The following PDE4D variants were observed in gnomAD, a reference collection of about 807,000 sequenced individuals.
The protein encoded by PDE4D is 3',5'-cyclic-AMP phosphodiesterase 4D.
In PDE4D, 24 loss-of-function variants were observed where a neutral mutation model predicts 87.4. That is an observed-to-expected ratio of 0.27 (90% CI 0.20 to 0.39). PDE4D has a LOEUF of 0.39. PDE4D is among the 10% of genes least tolerant of loss of function. PDE4D has a pLI of 1.00. For synonymous variants in PDE4D, 384 were observed against 383.2 expected (o/e 1.00, Z -0.02); for missense variants, 714 against 1,041.0 (o/e 0.69, Z 4.32).
At chr5:60,135,609 A>T (rs1244178937) in intron 2 of PDE4D, among the ~76,000 whole-genome samples, 1 of 152,224 alleles carries the variant, frequency 6.6e-6, no homozygotes, top group African/African-American at 2.4e-5. Context: ...GATTTTTATC[A>T]GACAGAGCAA....
intron 1 of PDE4D, among the ~76,000 whole-genome samples, chr5:60,230,419 G>A (rs1185463855): frequency 6.6e-6 from 1 of 152,050 alleles, no homozygotes; most frequent in Non-Finnish European, 1.5e-5. Context: ...TTTGCAAAGT[G>A]GAAACTTATT....
chr5:60,517,364 G>A (rs553403630), intron 1 of PDE4D, among the ~76,000 whole-genome samples: 11 of 152,324 alleles, frequency 7.2e-5, no homozygotes, highest in East Asian at 3.9e-4. Context: ...GGCAGTTTCC[G>A]TGAAGCCCCA....
At chr5:59,676,050 C>A (rs1366401038) in intron 1 of PDE4D, among the ~76,000 whole-genome samples, 3 of 151,942 alleles carry the variant, frequency 2.0e-5, no homozygotes, top group Admixed American at 6.6e-5. Context: ...ATTTAGAACA[C>A]CTTTGGAGCT....
chr5:59,713,840 G>A (rs907824247), intron 1 of PDE4D, among the ~76,000 whole-genome samples: 1 of 152,162 alleles, frequency 6.6e-6, no homozygotes, highest in Non-Finnish European at 1.5e-5. Context: ...TGTGCTACAA[G>A]AAGTACACTC....
At chr5:60,416,023 A>G (rs112376587) in intron 1 of PDE4D, among the ~76,000 whole-genome samples, 1 of 152,118 alleles carries the variant, frequency 6.6e-6, no homozygotes, top group Non-Finnish European at 1.5e-5. Flanking sequence ...TGCACCAATC[A>G]GCACTCTGTA....
At chr5:60,453,705 C>A (rs1718572137) in intron 1 of PDE4D, among the ~76,000 whole-genome samples, 1 of 151,994 alleles carries the variant, frequency 6.6e-6, no homozygotes. Flanking sequence ...CATAGCTCCT[C>A]CTTTTCTGCC....
At chr5:60,359,608 T>C (rs1212893476) in intron 1 of PDE4D, among the ~76,000 whole-genome samples, 2 of 152,082 alleles carry the variant, frequency 1.3e-5, no homozygotes, top group African/African-American at 4.8e-5. Context: ...AAAAGGAAAA[T>C]TGCTTGTTCC....
chr5:60,012,290 A>G lies in PDE4D; in HGVS notation c.43-23573T>C, dbSNP rs566947907. On this transcript the variant is annotated intron_variant, in intron 2 of 16. Coordinates refer to the PDE4D transcript ENST00000502484. Reference sequence around the variant, plus strand: ...GAGTGCATGCTACTTTTTCCTTTTAATGTATTTCTTTTGAATGCCACTCTA... The same window carrying G: ...GAGTGCATGCTACTTTTTCCTTTTAGTGTATTTCTTTTGAATGCCACTCTA... Among the ~76,000 whole-genome samples, 38 of 152,266 alleles carry G rather than the reference A, an allele frequency of 2.5e-4. No individual in the cohort carries two copies. In the Middle Eastern group the frequency reaches 0.014, roughly 55 times the overall value.
intron 1 of PDE4D, among the ~76,000 whole-genome samples, chr5:59,712,418 A>G (rs1255863955): frequency 1.4e-5 from 2 of 141,930 alleles, no homozygotes; most frequent in African/African-American, 2.7e-5. Flanking sequence ...ATATATATAT[A>G]TATATATATA....
intron 2 of PDE4D, among the ~76,000 whole-genome samples, chr5:60,052,199 T>G (rs897498813): frequency 6.6e-6 from 1 of 151,650 alleles, no homozygotes; most frequent in African/African-American, 2.4e-5. Flanking sequence ...ATGAAGCCAG[T>G]ATCATCCTGA....
intron 5 of PDE4D, chr5:59,157,266 A>G (rs1423222917): frequency 1.0e-5 from 7 of 701,712 alleles, no homozygotes; most frequent in Non-Finnish European, 1.8e-5. Context: ...AAAGTGACTA[A>G]ACAGCTGTAG....
intron 1 of PDE4D, among the ~76,000 whole-genome samples, chr5:60,189,483 G>A (rs1345004924): frequency 6.6e-6 from 1 of 151,946 alleles, no homozygotes; most frequent in Non-Finnish European, 1.5e-5. Flanking sequence ...GTTGTTATGG[G>A]GATTAATCAG....
intron 5 of PDE4D, among the ~76,000 whole-genome samples, chr5:59,176,036 TG>T (rs1783834344): frequency 6.6e-6 from 1 of 152,116 alleles, no homozygotes; most frequent in Non-Finnish European, 1.5e-5. Flanking sequence ...AAGGAGAGAC[TG>T]GGTTCACATT....
chr5:60,426,683 A>C (rs986454395), intron 1 of PDE4D, among the ~76,000 whole-genome samples: 1 of 152,194 alleles, frequency 6.6e-6, no homozygotes, highest in Non-Finnish European at 1.5e-5. Context: ...AGCATAATTT[A>C]AAAAAATGAA....
intron 1 of PDE4D, among the ~76,000 whole-genome samples, chr5:59,291,665 T>C (rs27395): frequency 0.56 from 84,529 of 150,788 alleles, 24,876 homozygotes; most frequent in East Asian, 0.74. Flanking sequence ...CATTGTATGT[T>C]TGTATGTATT....
chr5:60,387,116 C>T (rs1214384176), intron 1 of PDE4D, among the ~76,000 whole-genome samples: 1 of 152,170 alleles, frequency 6.6e-6, no homozygotes, highest in East Asian at 1.9e-4. Context: ...ATTCTTTCAT[C>T]TGAGATGATA....
At chr5:59,938,786 T>A (rs1216953845) in intron 3 of PDE4D, among the ~76,000 whole-genome samples, 1 of 152,218 alleles carries the variant, frequency 6.6e-6, no homozygotes, top group African/African-American at 2.4e-5. Context: ...AAATATCATA[T>A]CCTCTTGAAT....
intron 5 of PDE4D, among the ~76,000 whole-genome samples, chr5:59,127,383 T>C (rs543185636): frequency 6.6e-6 from 1 of 152,324 alleles, no homozygotes; most frequent in East Asian, 1.9e-4. Flanking sequence ...TTTATGTGCA[T>C]GCAGAAGTGT....
intron 1 of PDE4D, among the ~76,000 whole-genome samples, chr5:59,321,864 G>A (rs1046999472): frequency 8.5e-5 from 13 of 152,072 alleles, no homozygotes; most frequent in African/African-American, 1.4e-4. Context: ...ACACGCATGC[G>A]CACTTGTGCA....
Sources: allele counts gnomAD v4.1 joint callset (sites outside exome capture counted in the v4.1 genomes callset), GRCh38; gene constraint gnomAD v4.1.1; transcripts MANE v1.5; gene names NCBI Gene and HGNC (gene_info 2026-07-23, HGNC 2026-07-21).